RDX: variants seen among roughly 807,000 people sequenced by gnomAD.
The protein encoded by RDX is deafness, autosomal recessive 24.
In RDX, 32 loss-of-function variants were observed where a neutral mutation model predicts 83.7. The observed-to-expected ratio is 0.38, with a 90% CI of 0.29 to 0.51. RDX has a LOEUF of 0.51. RDX is among the 20% of genes least tolerant of loss of function. The probability of loss-of-function intolerance (pLI) is 0.87; values close to 1 mark genes in which losing one functional copy is unlikely to be tolerated. For synonymous variants in RDX, 229 were observed against 222.7 expected, an observed-to-expected ratio of 1.03 and a Z score of -0.25; for missense variants, 600 against 689.9, an observed-to-expected ratio of 0.87 and a Z score of 1.46.
At chr11:110,200,018 G>C (rs971207626) in intron 14 of RDX, among the ~76,000 whole-genome samples, 1 of 152,160 alleles carries the variant, frequency 6.6e-6, no homozygotes, top group Non-Finnish European at 1.5e-5. Flanking sequence ...AGTAGGTCTT[G>C]TCTTAAAGCC....
chr11:110,185,608 G>A (rs943908267), intron 15 of RDX: 1 of 152,260 alleles, frequency 6.6e-6, no homozygotes, highest in Admixed American at 6.5e-5. Context: ...ACATTCGAGT[G>A]AGAACCACGG....
intron 2 of RDX, 147 bp downstream of exon 2, chr11:110,279,534 T>C (rs1008039563): frequency 3.3e-6 from 2 of 614,420 alleles, no homozygotes; most frequent in African/African-American, 1.9e-5. Flanking sequence ...TCTAATTAAT[T>C]TGGCCACATT....
chr11:110,284,368 T>C (rs1860892091), intron 1 of RDX, among the ~76,000 whole-genome samples: 2 of 152,210 alleles, frequency 1.3e-5, no homozygotes, highest in South Asian at 2.1e-4. Flanking sequence ...ATGTTGATAC[T>C]ATGTGATAAC....
chr11:110,280,302 G>A (rs1243434804), intron 1 of RDX, among the ~76,000 whole-genome samples: 1 of 151,984 alleles, frequency 6.6e-6, no homozygotes, highest in East Asian at 1.9e-4. Context: ...GGAGTACAGT[G>A]GTAACACCAC....
intron 9 of RDX, among the ~76,000 whole-genome samples, chr11:110,252,302 T>C (rs150540725): frequency 5.5e-4 from 83 of 152,278 alleles, no homozygotes; most frequent in Middle Eastern, 3.4e-3. Flanking sequence ...AACTAAAATA[T>C]AGCACCATTA....
At chr11:110,197,647 G>T (rs751632032) in intron 15 of RDX, among the ~76,000 whole-genome samples, 1 of 152,186 alleles carries the variant, frequency 6.6e-6, no homozygotes, top group Non-Finnish European at 1.5e-5. Flanking sequence ...AATCATAAAA[G>T]ATCAGGTAGA....
At chr11:110,204,678 G>A (rs765382345) in intron 14 of RDX, among the ~76,000 whole-genome samples, 5 of 151,818 alleles carry the variant, frequency 3.3e-5, no homozygotes, top group Admixed American at 6.6e-5. Flanking sequence ...CACCATGCCC[G>A]GTTAATTTTT....
chr11:110,285,204 T>C (rs1027141965), intron 1 of RDX, among the ~76,000 whole-genome samples: 2 of 151,012 alleles, frequency 1.3e-5, no homozygotes, highest in Non-Finnish European at 2.9e-5. Flanking sequence ...CTGGCCAACA[T>C]AGTGAAACCC....
chr11:110,279,841 A>T lies in RDX; in HGVS notation c.-64-85T>A. On this transcript the variant is annotated intron_variant, in intron 1 of 13. Transcript: ENST00000645495. ...ATAATTTGTGTAAGATATAAATTAA[A>T]ATATTTGAAAAGGTGGATTTAAAGT... The T allele has an allele frequency of 5.2e-6, 3 of 575,196 alleles. No individual in the cohort carries two copies. The South Asian group carries it at 6.8e-5, about 13-fold the overall frequency. 35.6% of individuals were successfully genotyped at this position (575,196 alleles called of 1,614,324 possible).
downstream of RDX, among the ~76,000 whole-genome samples, chr11:110,226,877 C>T (rs1053402721): frequency 4.6e-5 from 7 of 152,084 alleles, no homozygotes; most frequent in Non-Finnish European, 7.4e-5. Context: ...AACAAGCATA[C>T]CGAAACGTAT....
chr11:110,207,746 C>A (rs2134249077), intron 14 of RDX, among the ~76,000 whole-genome samples: 1 of 152,088 alleles, frequency 6.6e-6, no homozygotes, highest in South Asian at 2.1e-4. Flanking sequence ...CATATAGCTG[C>A]TTATGCACTA....
chr11:110,227,069 T>C (rs1864457691), downstream of RDX, among the ~76,000 whole-genome samples: 2 of 152,142 alleles, frequency 1.3e-5, no homozygotes, highest in South Asian at 2.1e-4. Context: ...TTGAATTTCA[T>C]AGACTTTTCA....
intron 3 of RDX, among the ~76,000 whole-genome samples, chr11:110,269,513 C>T (rs180921667): frequency 1.8e-4 from 28 of 152,348 alleles, no homozygotes; most frequent in African/African-American, 6.5e-4. Context: ...CACATGTACT[C>T]ATGTAGCTAT....
Position 110,201,587 on chromosome 11 carries a change from G to A in RDX, c.1749-1909C>T, listed in dbSNP as rs1192825926. Among the ~76,000 whole-genome samples the A allele has an allele frequency of 3.3e-5, 5 of 152,272 alleles. No homozygotes were observed. In the East Asian group the frequency reaches 9.6e-4, roughly 29 times the overall value. On this transcript the variant is annotated intron_variant, in intron 14 of 15. Coordinates refer to the RDX transcript ENST00000528498. ...AGCAACTGAAGGGTAGTGAGGGTGA[G>A]ATACATAAAAATCACATGAGCTGGA...
chr11:110,215,876 C>T (rs1864034073), intron 14 of RDX, among the ~76,000 whole-genome samples: 1 of 152,172 alleles, frequency 6.6e-6, no homozygotes, highest in South Asian at 2.1e-4. Context: ...ACACCTGCAG[C>T]CTTTATGATG....
chr11:110,250,490 A>C (rs1325873712), intron 9 of RDX, among the ~76,000 whole-genome samples: 3 of 152,098 alleles, frequency 2.0e-5, no homozygotes, highest in Non-Finnish European at 4.4e-5. Flanking sequence ...CCAGATCTCA[A>C]CCAGAAGTCT....
intron 15 of RDX, chr11:110,179,903 CTTTTTTTTTTT>C (rs528601645): frequency 3.1e-6 from 1 of 325,712 alleles, no homozygotes; most frequent in Non-Finnish European, 5.8e-6. Context: ...TTTCTTTTTT[CTTTTTTTTTTT>C]TTTTTGAGAC....
chr11:110,277,782 T>G (rs1860579777), intron 2 of RDX, among the ~76,000 whole-genome samples: 2 of 152,222 alleles, frequency 1.3e-5, no homozygotes, highest in African/African-American at 4.8e-5. Context: ...TATTGCTGTC[T>G]TTCAAGAGCA....
intron 10 of RDX, among the ~76,000 whole-genome samples, chr11:110,246,513 G>T (rs900946910): frequency 6.6e-6 from 1 of 152,128 alleles, no homozygotes; most frequent in East Asian, 1.9e-4. Flanking sequence ...GGTGGCTCAC[G>T]CCTGTAATCC....
Sources: gnomAD v4.1 joint callset for allele counts (sites outside exome capture counted in the v4.1 genomes callset) on GRCh38, gnomAD v4.1.1 for gene constraint, MANE v1.5 for transcripts, NCBI Gene and HGNC (gene_info 2026-07-23, HGNC 2026-07-21) for gene names.